ALCAM: variants seen among roughly 807,000 people sequenced by gnomAD.
ALCAM encodes the protein activated leukocyte cell adhesion molecule.
A neutral mutation model predicts 70.9 loss-of-function variants in ALCAM; 30 were observed. That is an observed-to-expected ratio of 0.42 (90% CI 0.32 to 0.57). ALCAM has a LOEUF of 0.57. Among genes scored for constraint, ALCAM ranks in the 20% least tolerant of loss-of-function variants. The probability of loss-of-function intolerance (pLI) is 0.11; values close to 1 mark genes in which losing one functional copy is unlikely to be tolerated. For missense variants in ALCAM, 591 were observed against 695.1 expected, an observed-to-expected ratio of 0.85 and a Z score of 1.68; for synonymous variants, 249 against 242.5, an observed-to-expected ratio of 1.03 and a Z score of -0.25.
chr3:105,566,584 C>CTA (rs767883077), intron 14 of ALCAM, among the ~76,000 whole-genome samples: 23 of 151,988 alleles, frequency 1.5e-4, no homozygotes, highest in Non-Finnish European at 3.1e-4. Context: ...CTCTACTGGC[C>CTA]TTTTAACTAT....
At chr3:105,536,085 C>A (rs917245811) in intron 6 of ALCAM, among the ~76,000 whole-genome samples, 1 of 148,304 alleles carries the variant, frequency 6.7e-6, no homozygotes, top group Admixed American at 6.9e-5. Flanking sequence ...AGGCAGAATT[C>A]TTTCTTTCTT....
rs1375837867 is a variant in ALCAM at position 105,493,755 on chromosome 3, C to T, written c.74-26312C>T. On this transcript the variant is annotated intron_variant, in intron 1 of 15. Coordinates refer to ENST00000306107, the MANE Select transcript of ALCAM (RefSeq NM_001627.4). ...ATGTCAGACTTCTGATCTCCAGGAA[C>T]TATATGACAATAAATTTGTATTGTG... Among the ~76,000 whole-genome samples the T allele has an allele frequency of 2.0e-5, 3 of 152,172 alleles. No individual in the cohort carries two copies. The South Asian group carries it at 6.2e-4, about 32-fold the overall frequency.
At chr3:105,532,903 A>T (rs1490261296) in intron 4 of ALCAM, among the ~76,000 whole-genome samples, 5 of 152,158 alleles carry the variant, frequency 3.3e-5, no homozygotes, top group Admixed American at 6.5e-5. Context: ...TGAAGTAAAG[A>T]GGTGAGATCA....
intron 1 of ALCAM, among the ~76,000 whole-genome samples, chr3:105,476,816 G>C (rs1938126330): frequency 6.6e-6 from 1 of 151,950 alleles, no homozygotes; most frequent in Non-Finnish European, 1.5e-5. Context: ...TTCAAATGTT[G>C]ATATGGTTTG....
intron 1 of ALCAM, among the ~76,000 whole-genome samples, chr3:105,385,827 A>G (rs1213417946): frequency 4.6e-5 from 7 of 151,686 alleles, no homozygotes; most frequent in African/African-American, 1.5e-4. Context: ...TAAATAGTCT[A>G]AAGAATGTTA....
rs138429927 is a variant in ALCAM, at chr3:105,406,354, G to A, written c.73+38873G>A. Among the ~76,000 whole-genome samples, 1,307 of 152,204 alleles carry A rather than the reference G, an allele frequency of 8.6e-3. 13 individuals carry two copies. Among genetic ancestry groups the A allele is most frequent in the African/African-American group, 0.028 (1,163 of 41,532 alleles). ...CTATTAAGAATTCCTTCGTTATTTT[G>A]TCATGCTTTAAGGCCCAGGAAAGGC... On this transcript the variant is annotated intron_variant, in intron 1 of 15. Transcript: ENST00000306107.
At chr3:105,481,813 T>G (rs1490453855) in intron 1 of ALCAM, among the ~76,000 whole-genome samples, 1 of 152,164 alleles carries the variant, frequency 6.6e-6, no homozygotes, top group Non-Finnish European at 1.5e-5. Context: ...GTTACTTAGG[T>G]ATTTCCTAAT....
chr3:105,472,322 C>A (rs1028241238), intron 1 of ALCAM, among the ~76,000 whole-genome samples: 5 of 151,392 alleles, frequency 3.3e-5, no homozygotes, highest in African/African-American at 7.3e-5. Flanking sequence ...GAATTCATTT[C>A]CCTAATTGCT....
At chr3:105,400,413 GA>G (rs1171895311) in intron 1 of ALCAM, among the ~76,000 whole-genome samples, 1 of 152,060 alleles carries the variant, frequency 6.6e-6, no homozygotes, top group African/African-American at 2.4e-5. Context: ...TATTGTAAAA[GA>G]AATGTAAAAT....
chr3:105,467,209 A>G (rs139004856), intron 1 of ALCAM, among the ~76,000 whole-genome samples: 3 of 151,432 alleles, frequency 2.0e-5, no homozygotes, highest in Admixed American at 2.0e-4. Context: ...CTAAGTAAAT[A>G]TTAGTTTCTT....
At chr3:105,445,094 AG>A (rs1174260052) in intron 1 of ALCAM, among the ~76,000 whole-genome samples, 1 of 152,230 alleles carries the variant, frequency 6.6e-6, no homozygotes, top group African/African-American at 2.4e-5. Context: ...AAAATATTGG[AG>A]AAGTTAATAT....
Position 105,575,133 on chromosome 3 carries a change from A to T in ALCAM, c.*682A>T, listed in dbSNP as rs1035466705. 3 of 152,624 alleles carry T rather than the reference A, an allele frequency of 2.0e-5. No individual in the cohort carries two copies. The highest frequency in any genetic ancestry group is 4.4e-5 in the Non-Finnish European group (3 of 68,026). The allele number at this position is 152,624 out of a possible 1,614,324, so 9.5% of individuals were successfully genotyped here. ...CACACATACATAATGGTACTCCCAA[A>T]CTGACAATTTTACCTATTCTGAAAA... On this transcript the variant is annotated 3_prime_UTR_variant, in exon 16 of 16. Transcript: ENST00000306107.
chr3:105,555,255 C>A (rs180984633), intron 14 of ALCAM, among the ~76,000 whole-genome samples: 1 of 151,892 alleles, frequency 6.6e-6, no homozygotes, highest in Non-Finnish European at 1.5e-5. Flanking sequence ...GTTACCTAAT[C>A]GAAAAGTTCA....
At chr3:105,402,938 C>CTTTTTTTTTTTTTTTTTTTTTTTT (rs58126212) in intron 1 of ALCAM, among the ~76,000 whole-genome samples, 1 of 117,254 alleles carries the variant, frequency 8.5e-6, no homozygotes, top group African/African-American at 3.1e-5. Context: ...AGCTGATGCG[C>CTTTTTTTTTTTTTTTTTTTTTTTT]TTTTTTTTTT....
chr3:105,468,855 C>T (rs1490781246), intron 1 of ALCAM, among the ~76,000 whole-genome samples: 2 of 151,272 alleles, frequency 1.3e-5, no homozygotes, highest in East Asian at 3.9e-4. Flanking sequence ...TGCACTAGAA[C>T]TTTATTTGAT....
chr3:105,504,883 C>G (rs769141270), intron 1 of ALCAM, among the ~76,000 whole-genome samples: 3 of 152,150 alleles, frequency 2.0e-5, no homozygotes, highest in Non-Finnish European at 4.4e-5. Context: ...TTCCCTTCCC[C>G]CTTCTGTATC....
chr3:105,477,052 G>T (rs1483061669), intron 1 of ALCAM, among the ~76,000 whole-genome samples: 1 of 151,848 alleles, frequency 6.6e-6, no homozygotes, highest in Non-Finnish European at 1.5e-5. Flanking sequence ...AGTGCCTTTT[G>T]CCTCCCACCA....
intron 14 of ALCAM, among the ~76,000 whole-genome samples, chr3:105,554,064 G>A (rs181987070): frequency 6.6e-6 from 1 of 151,910 alleles, no homozygotes; most frequent in East Asian, 1.9e-4. Flanking sequence ...TACGAGTCAG[G>A]ATTCTCCAGA....
At chr3:105,551,960 A>G (rs755638081) in intron 12 of ALCAM, among the ~76,000 whole-genome samples, 184 bp from the exon 13 acceptor site, 1 of 151,350 alleles carries the variant, frequency 6.6e-6, no homozygotes, top group Non-Finnish European at 1.5e-5. Flanking sequence ...TCTCCTTAAA[A>G]CAAGATTAAT....
Sources: allele counts gnomAD v4.1 joint callset (sites outside exome capture counted in the v4.1 genomes callset), GRCh38; gene constraint gnomAD v4.1.1; transcripts MANE v1.5; gene names NCBI Gene and HGNC (gene_info 2026-07-23, HGNC 2026-07-21).